The following NRG1 variants were observed in gnomAD, a reference collection of about 807,000 sequenced individuals.
NRG1 encodes the protein neuregulin 1, also known as pro-neuregulin-1, membrane-bound isoform.
A neutral mutation model predicts 63.8 loss-of-function variants in NRG1; 18 were observed. The observed-to-expected ratio is 0.28, with a 90% CI of 0.19 to 0.42. NRG1 has a LOEUF of 0.42. Ranked by LOEUF, NRG1 falls within the 10% of genes least tolerant of loss-of-function variation. The pLI is 1.00. For missense variants in NRG1, 762 were observed against 814.7 expected, an observed-to-expected ratio of 0.94 and a Z score of 0.79; for synonymous variants, 302 against 301.3, an observed-to-expected ratio of 1.00 and a Z score of -0.02.
chr8:32,513,329 A>G (rs1829440263), intron 1 of NRG1, among the ~76,000 whole-genome samples: 1 of 151,942 alleles, frequency 6.6e-6, no homozygotes, highest in Admixed American at 6.6e-5. Flanking sequence ...GCTGTGAGGC[A>G]GGCTGACAAA....
intron 1 of NRG1, among the ~76,000 whole-genome samples, chr8:31,862,482 C>T (rs1239380544): frequency 6.6e-6 from 1 of 152,066 alleles, no homozygotes; most frequent in Admixed American, 6.6e-5. Context: ...GATATTTGTA[C>T]TTTTTCTTGT....
At chr8:32,721,645 T>C (rs1431296674) in intron 5 of NRG1, 1 of 211,396 alleles carries the variant, frequency 4.7e-6, no homozygotes, top group Non-Finnish European at 9.1e-6. Context: ...CTCTGGCCAC[T>C]TTCTTTCTTT....
intron 1 of NRG1, among the ~76,000 whole-genome samples, chr8:31,842,778 T>C (rs1419940991): frequency 6.6e-6 from 1 of 152,210 alleles, no homozygotes; most frequent in Non-Finnish European, 1.5e-5. Flanking sequence ...GTTTAAGATA[T>C]GCCCTTGATG....
intron 1 of NRG1, among the ~76,000 whole-genome samples, chr8:32,035,890 A>G (rs531906419): frequency 1.3e-5 from 2 of 152,168 alleles, no homozygotes; most frequent in Admixed American, 1.3e-4. Flanking sequence ...CTCTTTATCC[A>G]GCTTTCCATT....
chr8:32,220,761 G>T, intron 1 of NRG1, among the ~76,000 whole-genome samples: 1 of 152,158 alleles, frequency 6.6e-6, no homozygotes, highest in African/African-American at 2.4e-5. Context: ...GCTCCTCCGC[G>T]GTCTCCCCCA....
At chr8:32,448,050 C>G (rs931640634) in intron 1 of NRG1, among the ~76,000 whole-genome samples, 1 of 152,106 alleles carries the variant, frequency 6.6e-6, no homozygotes, top group Non-Finnish European at 1.5e-5. Context: ...GTATATTACT[C>G]TGGCTTTCCT....
At chr8:32,237,738 T>TACTGCCTCTATTTGGTTTCTC (rs1281806094) in intron 1 of NRG1, among the ~76,000 whole-genome samples, 1 of 152,180 alleles carries the variant, frequency 6.6e-6, no homozygotes, top group Non-Finnish European at 1.5e-5. Flanking sequence ...TATGGTTTCT[T>TACTGCCTCTATTTGGTTTCTC]ACTGCCTCTT....
chr8:32,363,278 A>G (rs1213564583), intron 1 of NRG1, among the ~76,000 whole-genome samples: 3 of 152,178 alleles, frequency 2.0e-5, no homozygotes, highest in Non-Finnish European at 4.4e-5. Context: ...GAAGAACAAT[A>G]GATGCCTCAT....
intron 1 of NRG1, among the ~76,000 whole-genome samples, chr8:32,501,917 A>T (rs774612552): frequency 2.6e-5 from 4 of 152,216 alleles, no homozygotes; most frequent in Non-Finnish European, 5.9e-5. Context: ...GCTTGAGGCC[A>T]GGAGTTCAAG....
At chr8:31,699,323 C>T (rs1810395986) in intron 1 of NRG1, among the ~76,000 whole-genome samples, 1 of 152,094 alleles carries the variant, frequency 6.6e-6, no homozygotes, top group Non-Finnish European at 1.5e-5. Flanking sequence ...TGTTTTAAAT[C>T]ACTGGCCCAA....
Position 31,830,687 on chromosome 8 carries a change from T to C in NRG1, c.37+191256T>C, listed in dbSNP as rs866633052. On this transcript the variant is annotated intron_variant, in intron 1 of 10. Coordinates refer to the NRG1 transcript ENST00000519301. Reference sequence around the variant, plus strand: ...CCTGTTCCTAAATTGGCCATGAGCATCTCATTCCTTATTCTAATCCAACAG... The same window carrying C: ...CCTGTTCCTAAATTGGCCATGAGCACCTCATTCCTTATTCTAATCCAACAG... Among the ~76,000 whole-genome samples the C allele has an allele frequency of 3.1e-4, 47 of 152,208 alleles. 1 individual carries two copies. Among genetic ancestry groups the C allele is most frequent in the African/African-American group, 1.0e-3 (42 of 41,512 alleles).
intron 1 of NRG1, among the ~76,000 whole-genome samples, chr8:32,194,140 A>G (rs1380082691): frequency 6.6e-6 from 1 of 152,140 alleles, no homozygotes; most frequent in Non-Finnish European, 1.5e-5. Context: ...CTCATCCCTA[A>G]AATAGAATCC....
At chr8:32,374,731 C>A (rs985036777) in intron 1 of NRG1, among the ~76,000 whole-genome samples, 19 of 150,886 alleles carry the variant, frequency 1.3e-4, no homozygotes, top group African/African-American at 4.6e-4. Context: ...TTCTTGGAGA[C>A]TAGAAATTAT....
intron 5 of NRG1, among the ~76,000 whole-genome samples, chr8:32,719,473 G>A (rs1213302960): frequency 6.6e-6 from 1 of 151,796 alleles, no homozygotes; most frequent in Non-Finnish European, 1.5e-5. Context: ...AAATATTTCA[G>A]TATGTATCTC....
intron 5 of NRG1, among the ~76,000 whole-genome samples, chr8:32,715,898 T>C (rs1819091238): frequency 6.6e-6 from 1 of 152,216 alleles, no homozygotes; most frequent in Non-Finnish European, 1.5e-5. Flanking sequence ...TGCCTTGGCC[T>C]CCCAAAGTGC....
At chr8:32,764,051 G>A (rs757169523) in exon 12 of NRG1, 1 of 1,614,084 alleles carries the variant, frequency 6.2e-7, no homozygotes, top group Non-Finnish European at 8.5e-7. Context: ...AGGATGAGGA[G>A]TATGAAACGA....
intron 1 of NRG1, among the ~76,000 whole-genome samples, chr8:31,939,550 A>C (rs976406280): frequency 1.6e-4 from 24 of 152,088 alleles, no homozygotes; most frequent in African/African-American, 4.8e-4. Flanking sequence ...CATGATGAAT[A>C]GAGTAGTATC....
intron 1 of NRG1, among the ~76,000 whole-genome samples, chr8:31,891,203 A>G (rs935089483): frequency 2.0e-5 from 3 of 152,178 alleles, no homozygotes; most frequent in Non-Finnish European, 4.4e-5. Flanking sequence ...CTTTAAAAGG[A>G]TGGAAAGACA....
chr8:31,932,303 G>A (rs142586991), intron 1 of NRG1, among the ~76,000 whole-genome samples: 19 of 152,172 alleles, frequency 1.2e-4, no homozygotes, highest in African/African-American at 2.2e-4. Flanking sequence ...CAAATTTTCC[G>A]TATAGGAATA....
Sources: allele counts gnomAD v4.1 joint callset (sites outside exome capture counted in the v4.1 genomes callset), GRCh38; gene constraint gnomAD v4.1.1; transcripts MANE v1.5; gene names NCBI Gene and HGNC (gene_info 2026-07-23, HGNC 2026-07-21).